Variants in PITX3 observed in about 807,000 individuals in gnomAD.
PITX3 encodes paired like homeodomain 3, also known as pituitary homeobox 3.
Under a neutral mutation model 14.2 loss-of-function variants are expected in PITX3, and 4 were observed. The observed-to-expected ratio is 0.28, with a 90% CI of 0.14 to 0.65. The LOEUF (loss-of-function observed/expected upper bound fraction) is 0.65. Ranked by LOEUF, PITX3 falls within the 30% of genes least tolerant of loss-of-function variation. PITX3 has a pLI of 0.82. For missense variants in PITX3, 358 were observed against 426.8 expected (o/e 0.84, Z 1.42); for synonymous variants, 194 against 204.5 (o/e 0.95, Z 0.44).
chr10:102,238,725 T>C (rs1026141436), intron 1 of PITX3, among the ~76,000 whole-genome samples: 2 of 152,202 alleles, frequency 1.3e-5, no homozygotes, highest in African/African-American at 4.8e-5. Flanking sequence ...CTGGAGTGCC[T>C]ATCCCCATTA....
chr10:102,237,364 T>C (rs369576799), intron 1 of PITX3, among the ~76,000 whole-genome samples: 12 of 152,106 alleles, frequency 7.9e-5, no homozygotes, highest in African/African-American at 2.9e-4. Flanking sequence ...ATCAGCAGTG[T>C]TGGGAATAAG....
chr10:102,231,211 A>G (rs1184597054), intron 3 of PITX3, 110 bp from the exon 4 acceptor site: 2 of 1,080,000 alleles, frequency 1.9e-6, no homozygotes, highest in Non-Finnish European at 2.6e-6. Flanking sequence ...AATAAACGAG[A>G]TGAGGTGGCT....
At position 102,230,692 on chromosome 10, in the gene PITX3, G is replaced by A; in HGVS notation, c.731C>T (p.Ala244Val). The A allele has an allele frequency of 6.4e-7, 1 of 1,568,448 alleles. No individual in the cohort carries two copies. Residue 244 changes from alanine (A) to valine (V), a missense_variant, in exon 4 of 4, where the codon GCC (alanine) becomes GTC (valine). Physicochemically the swap from Ala to Val is moderately conservative, Grantham distance 64. Transcript: ENST00000370002. ...AVSCPYASAAAAAAAAASSPY... is the reference protein window; with the variant it reads ...AVSCPYASAAVAAAAAASSPY... ...GGAAGAGGCGGCAGCCGCGGCGGCG[G>A]CGGCGGCCGAGGCATAAGGGCAGGA... is the stretch of plus-strand genomic sequence containing the variant.
chr10:102,231,898 G>A, intron 2 of PITX3, 65 bp downstream of exon 2: 1 of 1,555,628 alleles, frequency 6.4e-7, no homozygotes, highest in Non-Finnish European at 8.8e-7. Flanking sequence ...CTGCCCAGCC[G>A]GGGTCCCACC....
At chr10:102,235,186 C>CG in intron 1 of PITX3, among the ~76,000 whole-genome samples, 2 of 144,630 alleles carry the variant, frequency 1.4e-5, no homozygotes, top group Non-Finnish European at 3.0e-5. Context: ...CCCACCCCCC[C>CG]ACCGCCTCCC....
At chr10:102,233,866 G>A (rs1590406642) in intron 1 of PITX3, among the ~76,000 whole-genome samples, 1 of 152,104 alleles carries the variant, frequency 6.6e-6, no homozygotes, top group East Asian at 1.9e-4. Context: ...AGCCTCCCAG[G>A]GTCCTTCTCC....
At chr10:102,231,230 G>A in intron 3 of PITX3, 129 bp from the exon 4 acceptor site, 1 of 952,874 alleles carries the variant, frequency 1.0e-6, no homozygotes, top group Non-Finnish European at 1.5e-6. Context: ...CTAGAGACGG[G>A]GTGGGAGGGA....
At chr10:102,232,161 G>C (rs2070263664) in intron 1 of PITX3, 69 bp from the exon 2 acceptor site, 3 of 854,286 alleles carry the variant, frequency 3.5e-6, no homozygotes, top group Admixed American at 2.0e-5. Flanking sequence ...GGTCCCAGCA[G>C]CGTTTCCTCG....
intron 1 of PITX3, among the ~76,000 whole-genome samples, chr10:102,232,606 T>C (rs2070278194): frequency 6.6e-6 from 1 of 152,122 alleles, no homozygotes; most frequent in Non-Finnish European, 1.5e-5. Flanking sequence ...CGCTTGAACC[T>C]GGGAGGCGGA....
chr10:102,235,172 A>ACCCACC (rs1480896716), intron 1 of PITX3, among the ~76,000 whole-genome samples: 2 of 77,264 alleles, frequency 2.6e-5, no homozygotes, highest in African/African-American at 1.1e-4. Flanking sequence ...CCCTTCCCCC[A>ACCCACC]CCCCCCACCC....
In PITX3 at chr10:102,231,083, G is replaced by T; in HGVS notation, c.340C>A (p.Arg114Ser). ...CGCTCGCGCTTCCGCCATTTGGCGC[G>T]CCGGTTCTTGAACCACACCTGCGGG... ...ARVRVWFKNR[R>S]AKWRKRERSQ... The change falls in exon 4 of 4, where the codon CGC becomes AGC. Residue 114 changes from arginine (R) to serine (S), a missense_variant. Transcript: ENST00000370002. The T allele has an allele frequency of 6.4e-7, 1 of 1,559,454 alleles. No homozygotes were observed. The highest frequency in any genetic ancestry group is 8.6e-7 in the Non-Finnish European group (1 of 1,156,536).
Position 102,231,187 on chromosome 10 carries a change from G to T in PITX3, c.322-86C>A, listed in dbSNP as rs948742180. The T allele has an allele frequency of 5.4e-6, 7 of 1,291,876 alleles. No individual in the cohort carries two copies. In the African/African-American group the frequency reaches 9.2e-5, roughly 17 times the overall value. 80.0% of individuals were successfully genotyped at this position (1,291,876 alleles called of 1,614,324 possible). A position where few individuals can be genotyped will look rare whatever the true frequency, so the allele number is the denominator to read the frequency against. ...GGCCACCCCGACGGGGCTTCCAGCCGGGGCCCTGCGGTCAATAAACGAGAT... is the reference window on the plus strand; with the variant it reads ...GGCCACCCCGACGGGGCTTCCAGCCTGGGCCCTGCGGTCAATAAACGAGAT... On this transcript the variant is annotated intron_variant, in intron 3 of 3. Transcript: ENST00000370002.
At chr10:102,233,882 T>TC (rs1322359382) in intron 1 of PITX3, among the ~76,000 whole-genome samples, 5 of 152,058 alleles carry the variant, frequency 3.3e-5, no homozygotes, top group Admixed American at 6.5e-5. Context: ...TCTCCAAGTT[T>TC]CCCCCGCAGG....
chr10:102,239,463 G>GA (rs1472050521), intron 1 of PITX3, among the ~76,000 whole-genome samples: 1 of 152,198 alleles, frequency 6.6e-6, no homozygotes, highest in African/African-American at 2.4e-5. Context: ...ACAAGCCCCT[G>GA]AAAAGTGTAT....
chr10:102,231,108 G>C lies in PITX3; in HGVS notation c.322-7C>G, dbSNP rs757407968. The C allele has an allele frequency of 1.4e-5, 22 of 1,535,898 alleles. No homozygotes were observed. Among genetic ancestry groups the C allele is most frequent in the Non-Finnish European group, 1.5e-5 (17 of 1,147,394 alleles). ...GCCGGTTCTTGAACCACACCTGCGG[G>C]CACGGGAGAAAGGCGGTCAGGGCCC... On this transcript the variant is annotated splice_polypyrimidine_tract_variant and splice_region_variant and intron_variant, in intron 3 of 3. Transcript: ENST00000370002.
At chr10:102,238,595 CAA>C (rs1053191974) in intron 1 of PITX3, among the ~76,000 whole-genome samples, 1 of 152,214 alleles carries the variant, frequency 6.6e-6, no homozygotes, top group Admixed American at 6.5e-5. Flanking sequence ...CTTTTCCAAA[CAA>C]AGATTCTGCA....
chr10:102,234,428 T>C (rs2070332483), intron 1 of PITX3, among the ~76,000 whole-genome samples: 1 of 152,034 alleles, frequency 6.6e-6, no homozygotes, highest in African/African-American at 2.4e-5. Context: ...AGGAGAAAAG[T>C]CAGGCCAGAA....
Position 102,230,432 on chromosome 10 carries a change from C to A in PITX3, c.*82G>T. Reference sequence around the variant, plus strand: ...CCCCTTTCAGACCCTGGGGCGGGAGCAAGCCAGTCAAAATGACCCCAGTCC... The same window carrying A: ...CCCCTTTCAGACCCTGGGGCGGGAGAAAGCCAGTCAAAATGACCCCAGTCC... On this transcript the variant is annotated 3_prime_UTR_variant, in exon 4 of 4. Transcript: ENST00000370002. 1.3e-6 allele frequency: 2 copies of A among 1,525,352 alleles called. No individual in the cohort carries two copies. Among genetic ancestry groups the A allele is most frequent in the South Asian group, 1.2e-5 (1 of 80,820 alleles). 94.5% of individuals were successfully genotyped at this position (1,525,352 alleles called of 1,614,324 possible). A position where few individuals can be genotyped will look rare whatever the true frequency, so the allele number is the denominator to read the frequency against.
intron 1 of PITX3, among the ~76,000 whole-genome samples, chr10:102,234,261 C>G (rs1257845734): frequency 6.6e-6 from 1 of 152,128 alleles, no homozygotes; most frequent in East Asian, 1.9e-4. Context: ...CAGCTGTGCC[C>G]CCACTCCCCA....
Sources: allele counts gnomAD v4.1 joint callset (sites outside exome capture counted in the v4.1 genomes callset), GRCh38; gene constraint gnomAD v4.1.1; transcripts MANE v1.5; gene names NCBI Gene and HGNC (gene_info 2026-07-23, HGNC 2026-07-21).